SLC12A1: variants seen among roughly 807,000 people sequenced by gnomAD.
SLC12A1 encodes solute carrier family 12 member 1.
A neutral mutation model predicts 130.4 loss-of-function variants in SLC12A1; 89 were observed. That is an observed-to-expected ratio of 0.68 (90% confidence interval 0.58 to 0.81). The LOEUF (loss-of-function observed/expected upper bound fraction) is 0.81. Among genes scored for constraint, SLC12A1 ranks in the 40% least tolerant of loss-of-function variants. The probability of loss-of-function intolerance (pLI) is 0.00; values close to 1 mark genes in which losing one functional copy is unlikely to be tolerated. For synonymous variants in SLC12A1, 499 were observed against 460.0 expected, an observed-to-expected ratio of 1.08 and a Z score of -1.09; for missense variants, 1,310 against 1,336.4, an observed-to-expected ratio of 0.98 and a Z score of 0.31.
intron 18 of SLC12A1, 40 bp from the exon 19 acceptor site, chr15:48,269,618 T>G: frequency 9.5e-7 from 1 of 1,056,202 alleles, no homozygotes; most frequent in Non-Finnish European, 1.5e-6. Flanking sequence ...AGTTTCCCAG[T>G]ACGGTAAGGA....
At chr15:48,302,183 A>G (rs2042239657) in intron 26 of SLC12A1, among the ~76,000 whole-genome samples, 1 of 152,214 alleles carries the variant, frequency 6.6e-6, no homozygotes, top group African/African-American at 2.4e-5. Context: ...ATTTAAAGGA[A>G]AGTGAAAATG....
intron 9 of SLC12A1, 124 bp downstream of exon 9, chr15:48,235,128 G>T: frequency 9.9e-7 from 1 of 1,014,244 alleles, no homozygotes; most frequent in Non-Finnish European, 1.5e-6. Context: ...GTTTCTGCAA[G>T]ATTTCCTGAT....
rs1366413524 is a variant in SLC12A1, at chr15:48,262,530, A to G, written c.2154+3219A>G. The stretch of plus-strand genomic sequence containing the variant: ...TCCAACTATCCAGCTAACTCTTAAC[A>G]CTCTCCGCAGGCCTCTTCCTCTCTC... On this transcript the variant is annotated intron_variant, in intron 17 of 26. Coordinates refer to ENST00000380993, the MANE Select transcript of SLC12A1 (RefSeq NM_000338.3). Among the ~76,000 whole-genome samples, 3 of 151,704 alleles carry G rather than the reference A, an allele frequency of 2.0e-5. No homozygotes were observed. In the East Asian group the frequency reaches 5.8e-4, roughly 29 times the overall value.
intron 10 of SLC12A1, among the ~76,000 whole-genome samples, chr15:48,242,066 G>A (rs34475119): frequency 1.2e-3 from 189 of 152,302 alleles, no homozygotes; most frequent in African/African-American, 4.5e-3. Flanking sequence ...CCTTAATATG[G>A]AAATGTCACT....
intron 17 of SLC12A1, among the ~76,000 whole-genome samples, chr15:48,265,351 C>T (rs949598838): frequency 3.9e-5 from 6 of 152,292 alleles, no homozygotes; most frequent in Admixed American, 3.3e-4. Flanking sequence ...ATGCCATTCT[C>T]CCCAGGGGTT....
At position 48,251,644 on chromosome 15, in the gene SLC12A1, A is replaced by C. The variant is rs1419821791; in HGVS notation, c.1816A>C (p.Met606Leu). 6.2e-7 allele frequency: 1 copy of C among 1,613,736 alleles called. No individual in the cohort carries two copies. Among genetic ancestry groups the C allele is most frequent in the Non-Finnish European group, 8.5e-7 (1 of 1,179,786 alleles). ...GWRPAYGIYN[M>L]WVSLFGAVLC... ...GAGACCTGCGTATGGAATTTACAAC[A>C]TGTGGGTATCTCTTTTTGGAGCTGT... is the stretch of plus-strand genomic sequence containing the variant. The change falls in exon 15 of 27, where the codon ATG (methionine) becomes CTG (leucine). Residue 606 changes from methionine to leucine, a missense_variant. Coordinates refer to ENST00000380993, the MANE Select transcript of SLC12A1 (RefSeq NM_000338.3).
intron 10 of SLC12A1, among the ~76,000 whole-genome samples, chr15:48,242,702 T>A (rs1474520297): frequency 6.6e-6 from 1 of 151,524 alleles, no homozygotes; most frequent in Admixed American, 6.6e-5. Flanking sequence ...CTTGGAAGGG[T>A]GAGGTGGGAG....
chr15:48,289,382 C>T (rs1165639853), intron 23 of SLC12A1, among the ~76,000 whole-genome samples: 2 of 101,466 alleles, frequency 2.0e-5, no homozygotes, highest in African/African-American at 7.3e-5. Flanking sequence ...ATGTATTATG[C>T]TGTGAATGTG....
chr15:48,208,418 T>A (rs1489763002), intron 2 of SLC12A1, among the ~76,000 whole-genome samples: 1 of 151,952 alleles, frequency 6.6e-6, no homozygotes, highest in Non-Finnish European at 1.5e-5. Flanking sequence ...GCTCAAACAA[T>A]CCTCCCACCT....
At chr15:48,265,371 T>G (rs752678534) in intron 17 of SLC12A1, among the ~76,000 whole-genome samples, 8 of 152,246 alleles carry the variant, frequency 5.3e-5, no homozygotes, top group Non-Finnish European at 1.2e-4. Context: ...TCACAGTCAC[T>G]GTGGTACAAC....
At chr15:48,273,756 C>T (rs927676228) in intron 19 of SLC12A1, among the ~76,000 whole-genome samples, 3 of 152,086 alleles carry the variant, frequency 2.0e-5, no homozygotes, top group Non-Finnish European at 4.4e-5. Context: ...CATTGGAAAC[C>T]GTTTGCATAT....
chr15:48,249,462 A>T, intron 13 of SLC12A1, 113 bp from the exon 14 acceptor site: 1 of 812,698 alleles, frequency 1.2e-6, no homozygotes, highest in Non-Finnish European at 2.1e-6. Flanking sequence ...ACTTTGACAG[A>T]TGCTCGCTAT....
chr15:48,234,934 C>T lies in SLC12A1; in HGVS notation c.1145C>T (p.Ser382Phe), dbSNP rs565722875. The T allele has an allele frequency of 6.2e-7, 1 of 1,613,860 alleles. No individual in the cohort carries two copies. The highest frequency in any genetic ancestry group is 1.1e-5 in the South Asian group (1 of 91,072). ...TTCACAAAGGGTGAAGGCTTCTTCT[C>T]TGTCTTTGCCATTTTTTTCCCAGCA... Reference protein sequence around the residue: ...PRFTKGEGFFSVFAIFFPAAT... With the variant: ...PRFTKGEGFFFVFAIFFPAAT... The change falls in exon 9 of 27, where the codon TCT becomes TTT. Residue 382 changes from serine to phenylalanine, a missense_variant. By Grantham distance (155) the Ser-to-Phe change is radical. Transcript: ENST00000380993.
At position 48,251,915 on chromosome 15, in the gene SLC12A1, A is replaced by G. The variant is rs567525527; in HGVS notation, c.1942+145A>G. 358 of 712,614 alleles carry G rather than the reference A, an allele frequency of 5.0e-4. 4 individuals carry two copies. In the South Asian group the frequency reaches 6.9e-3, roughly 14 times the overall value. The allele number at this position is 712,614 out of a possible 1,614,324, so 44.1% of individuals were successfully genotyped here. ...AATATCGTGCAATATAATAGTAACA[A>G]TAGTTGGGGCCGGGTGCAGTGGCTC... On this transcript the variant is annotated intron_variant, in intron 15 of 26. Transcript: ENST00000380993.
intron 9 of SLC12A1, among the ~76,000 whole-genome samples, chr15:48,236,075 G>C (rs948392815): frequency 5.0e-5 from 7 of 140,540 alleles, no homozygotes; most frequent in African/African-American, 1.9e-4. Flanking sequence ...ATATATCGGG[G>C]ACAATAAGCC....
At chr15:48,241,952 TAGAGA>T (rs1248904747) in intron 10 of SLC12A1, among the ~76,000 whole-genome samples, 2 of 151,728 alleles carry the variant, frequency 1.3e-5, no homozygotes, top group East Asian at 1.9e-4. Context: ...AGAAACAGAG[TAGAGA>T]AAAGAAGTGA....
At chr15:48,245,171 T>C (rs1310828735) in intron 11 of SLC12A1, among the ~76,000 whole-genome samples, 1 of 152,230 alleles carries the variant, frequency 6.6e-6, no homozygotes, top group African/African-American at 2.4e-5. Context: ...TGTGTTCCGA[T>C]CAGTTGTGCA....
At chr15:48,296,865 A>G (rs2042182137) in intron 24 of SLC12A1, among the ~76,000 whole-genome samples, 1 of 152,200 alleles carries the variant, frequency 6.6e-6, no homozygotes, top group South Asian at 2.1e-4. Context: ...GATCCAAAGG[A>G]TAGACCAATC....
chr15:48,227,916 G>C (rs2041313031), intron 5 of SLC12A1: 1 of 152,246 alleles, frequency 6.6e-6, no homozygotes, highest in South Asian at 2.1e-4. Flanking sequence ...TAGCTCATTT[G>C]TTTAAGGTGA....
Sources: allele counts gnomAD v4.1 joint callset (sites outside exome capture counted in the v4.1 genomes callset), GRCh38; gene constraint gnomAD v4.1.1; transcripts MANE v1.5; gene names NCBI Gene and HGNC (gene_info 2026-07-23, HGNC 2026-07-21).